Variants in MMP15 observed in about 807,000 individuals in gnomAD.
MMP15 encodes matrix metallopeptidase 15.
MMP15 carries 36 observed loss-of-function variants against 65.0 expected under a neutral mutation model. The observed-to-expected ratio is 0.55, with a 90% CI of 0.42 to 0.73. MMP15 has a LOEUF of 0.73. Ranked by LOEUF, MMP15 falls within the 30% of genes least tolerant of loss-of-function variation. The pLI is 0.00. For synonymous variants in MMP15, 428 were observed against 410.2 expected, an observed-to-expected ratio of 1.04 and a Z score of -0.52; for missense variants, 870 against 987.8, an observed-to-expected ratio of 0.88 and a Z score of 1.60.
Position 58,026,490 on chromosome 16 carries a change from A to C in MMP15, c.140A>C (p.Glu47Ala). The part of the protein sequence containing the change: ...LGCLGLGVAA[E>A]DAEVHAENWL... The stretch of plus-strand genomic sequence containing the variant: ...TGCCTGGGCCTTGGCGTAGCGGCCG[A>C]AGACGCGGAGGTCCATGCCGAGGTA... The change falls in exon 1 of 10, where the codon GAA becomes GCA. Residue 47 changes from glutamate to alanine, a missense_variant. Transcript: ENST00000219271. The C allele has an allele frequency of 7.2e-7, 1 of 1,382,282 alleles. No individual in the cohort carries two copies. Among genetic ancestry groups the C allele is most frequent in the Non-Finnish European group, 9.4e-7 (1 of 1,066,206 alleles). 85.6% of individuals were successfully genotyped at this position (1,382,282 alleles called of 1,614,324 possible). A position where few individuals can be genotyped will look rare whatever the true frequency, so the allele number is the denominator to read the frequency against.
At chr16:58,043,170 C>A in intron 7 of MMP15, 40 bp from the exon 8 acceptor site, 1 of 1,526,092 alleles carries the variant, frequency 6.6e-7, no homozygotes, top group East Asian at 2.3e-5. Context: ...ACCCCTCAGC[C>A]CCAGGCCTGA....
At chr16:58,033,383 C>T (rs1434781068) in intron 1 of MMP15, among the ~76,000 whole-genome samples, 2 of 152,212 alleles carry the variant, frequency 1.3e-5, no homozygotes, top group Non-Finnish European at 2.9e-5. Context: ...CTGAACCTTG[C>T]CGTCTGTATT....
In MMP15 at chr16:58,045,661, T is replaced by C. The variant is rs1597068275; in HGVS notation, c.*215T>C. 7.1e-6 allele frequency: 4 copies of C among 561,532 alleles called. No homozygotes were observed. Among genetic ancestry groups the C allele is most frequent in the Non-Finnish European group, 1.2e-5 (4 of 322,196 alleles). The allele number at this position is 561,532 out of a possible 1,614,324, so 34.8% of individuals were successfully genotyped here. ...GTTTCCCCGACTGGGGCAGGGTGTTTAGAATTTTCTAAATGTAGTTCTGCT... is the reference window on the plus strand; with the variant it reads ...GTTTCCCCGACTGGGGCAGGGTGTTCAGAATTTTCTAAATGTAGTTCTGCT... On this transcript the variant is annotated 3_prime_UTR_variant, in exon 10 of 10. Coordinates refer to ENST00000219271, the MANE Select transcript of MMP15 (RefSeq NM_002428.4).
intron 4 of MMP15, 73 bp from the exon 5 acceptor site, chr16:58,040,464 T>C: frequency 6.5e-7 from 1 of 1,546,776 alleles, no homozygotes; most frequent in Non-Finnish European, 8.7e-7. Flanking sequence ...AGCCTCAGCC[T>C]GGAGGGTCCA....
At position 58,026,501 on chromosome 16, in the gene MMP15, G is replaced by A; in HGVS notation, c.151G>A (p.Val51Ile). The A allele has an allele frequency of 7.3e-7, 1 of 1,361,904 alleles. No individual in the cohort carries two copies. Among genetic ancestry groups the A allele is most frequent in the East Asian group, 3.1e-5 (1 of 32,406 alleles). 84.4% of individuals were successfully genotyped at this position (1,361,904 alleles called of 1,614,324 possible). A position where few individuals can be genotyped will look rare whatever the true frequency, so the allele number is the denominator to read the frequency against. ...GLGVAAEDAEVHAENWLRLYG... is the reference protein window; with the variant it reads ...GLGVAAEDAEIHAENWLRLYG... ...TGGCGTAGCGGCCGAAGACGCGGAGGTCCATGCCGAGGTAAGACCCCCGCC... is the reference window on the plus strand; with the variant it reads ...TGGCGTAGCGGCCGAAGACGCGGAGATCCATGCCGAGGTAAGACCCCCGCC... Residue 51 changes from valine (V) to isoleucine (I), a missense_variant, in exon 1 of 10, where the codon GTC becomes ATC. By Grantham distance (29) the Val-to-Ile change is conservative. Coordinates refer to ENST00000219271, the MANE Select transcript of MMP15 (RefSeq NM_002428.4).
chr16:58,031,853 C>CTTTTTTTTT lies in MMP15; in HGVS notation c.162+5364_162+5372dup, dbSNP rs749779284. Among the ~76,000 whole-genome samples, 15 of 57,746 alleles carry CTTTTTTTTT rather than the reference C, an allele frequency of 2.6e-4. 3 individuals are homozygous for CTTTTTTTTT. Among genetic ancestry groups the CTTTTTTTTT allele is most frequent in the African/African-American group, 1.2e-3 (15 of 12,110 alleles). 37.9% of individuals were successfully genotyped at this position (57,746 alleles called of 152,430 possible). Reference sequence around the variant, plus strand: ...CAAGGAGGACCTGGCTCGATGCCGCCTTTTTTTTTTTTTTTTTTTTTTTTT... The same window carrying CTTTTTTTTT: ...CAAGGAGGACCTGGCTCGATGCCGCCTTTTTTTTTTTTTTTTTTTTTTTTTTTTTTTTTT... On this transcript the variant is annotated intron_variant, in intron 1 of 9. Coordinates refer to ENST00000219271, the MANE Select transcript of MMP15 (RefSeq NM_002428.4).
At position 58,026,208 on chromosome 16, in the gene MMP15, G is replaced by A; in HGVS notation, c.-143G>A. The A allele has an allele frequency of 1.1e-6, 1 of 938,204 alleles. No individual in the cohort carries two copies. Among genetic ancestry groups the A allele is most frequent in the Non-Finnish European group, 1.4e-6 (1 of 721,102 alleles). 58.1% of individuals were successfully genotyped at this position (938,204 alleles called of 1,614,324 possible). ...CTCGGGCTTGGGAATTTGCCGAGGC[G>A]ACCTAGGCGGCTCCGGCGGGGACCG... On this transcript the variant is annotated 5_prime_UTR_variant, in exon 1 of 10. Coordinates refer to ENST00000219271, the MANE Select transcript of MMP15 (RefSeq NM_002428.4).
chr16:58,039,588 C>T (rs1371776877), intron 3 of MMP15, among the ~76,000 whole-genome samples: 1 of 152,220 alleles, frequency 6.6e-6, no homozygotes, highest in Non-Finnish European at 1.5e-5. Context: ...TCATTTGCAT[C>T]CCATTTTCTA....
At chr16:58,043,912 C>T (rs1959503165) in intron 9 of MMP15, among the ~76,000 whole-genome samples, 1 of 152,230 alleles carries the variant, frequency 6.6e-6, no homozygotes, top group African/African-American at 2.4e-5. Flanking sequence ...CAGGCCAGTC[C>T]TGCCTGCGTC....
At position 58,045,738 on chromosome 16, in the gene MMP15, G is replaced by T. The variant is rs553292764; in HGVS notation, c.*292G>T. 109 of 422,986 alleles carry T rather than the reference G, an allele frequency of 2.6e-4. No homozygotes were observed. Among genetic ancestry groups the T allele is most frequent in the Admixed American group, 2.1e-3 (50 of 23,770 alleles). The allele number at this position is 422,986 out of a possible 1,614,324, so 26.2% of individuals were successfully genotyped here. On this transcript the variant is annotated 3_prime_UTR_variant, in exon 10 of 10. Coordinates refer to ENST00000219271, the MANE Select transcript of MMP15 (RefSeq NM_002428.4). ...TCCTCTGGCTTGGCCACAGCCAGGG[G>T]AGCAGAGGGGCAGAGGCCCACATTG...
intron 1 of MMP15, among the ~76,000 whole-genome samples, chr16:58,033,777 C>T (rs906530543): frequency 6.6e-6 from 1 of 152,232 alleles, no homozygotes; most frequent in Non-Finnish European, 1.5e-5. Context: ...GTGGCACATG[C>T]CTGCAGTCCC....
chr16:58,028,012 A>G (rs1963846935), intron 1 of MMP15, among the ~76,000 whole-genome samples: 1 of 152,230 alleles, frequency 6.6e-6, no homozygotes, highest in African/African-American at 2.4e-5. Flanking sequence ...ATTTCAAGTC[A>G]CAGTCCCACC....
At chr16:58,039,800 T>C in intron 3 of MMP15, 75 bp from the exon 4 acceptor site, 1 of 1,471,558 alleles carries the variant, frequency 6.8e-7, no homozygotes. Flanking sequence ...TTGCGTGCAC[T>C]CTTGGGAACA....
At chr16:58,044,717 G>A (rs1385976145) in intron 9 of MMP15, among the ~76,000 whole-genome samples, 1 of 152,186 alleles carries the variant, frequency 6.6e-6, no homozygotes, top group Non-Finnish European at 1.5e-5. Flanking sequence ...AGGGGCAGCA[G>A]GATCCCTGAC....
intron 1 of MMP15, among the ~76,000 whole-genome samples, chr16:58,034,653 A>G (rs961766130): frequency 6.6e-6 from 1 of 152,148 alleles, no homozygotes; most frequent in South Asian, 2.1e-4. Flanking sequence ...AGCTTCCCCA[A>G]TCACTGCCCA....
Position 58,045,675 on chromosome 16 carries a change from T to C in MMP15, c.*229T>C, listed in dbSNP as rs1051846466. The C allele has an allele frequency of 1.5e-5, 8 of 550,334 alleles. No homozygotes were observed. Among genetic ancestry groups the C allele is most frequent in the Admixed American group, 1.1e-4 (3 of 27,292 alleles). 34.1% of individuals were successfully genotyped at this position (550,334 alleles called of 1,614,324 possible). On this transcript the variant is annotated 3_prime_UTR_variant, in exon 10 of 10. Transcript: ENST00000219271. ...GGCAGGGTGTTTAGAATTTTCTAAA[T>C]GTAGTTCTGCTCCAGACAGGGAATT... is the stretch of plus-strand genomic sequence containing the variant.
intron 1 of MMP15, among the ~76,000 whole-genome samples, chr16:58,034,261 A>T (rs1180138016): frequency 1.3e-5 from 2 of 152,232 alleles, no homozygotes; most frequent in Non-Finnish European, 2.9e-5. Flanking sequence ...GTCATGACCT[A>T]GGGACTCATC....
At chr16:58,043,384 A>T (rs1480023815) in intron 8 of MMP15, 24 bp downstream of exon 8, 1 of 1,597,848 alleles carries the variant, frequency 6.3e-7, no homozygotes, top group South Asian at 1.1e-5. Context: ...CCCTCCCCTA[A>T]GGGGAGAAGG....
In MMP15 at chr16:58,045,210, G is replaced by C. The variant is rs780974144; in HGVS notation, c.1774G>C (p.Gly592Arg). Residue 592 changes from glycine (G) to arginine (R), a missense_variant, in exon 10 of 10, where the codon GGC (glycine) becomes CGC (arginine). Coordinates refer to ENST00000219271, the MANE Select transcript of MMP15 (RefSeq NM_002428.4). ...GAEPGADSAE[G>R]DVGDGDGDFG... ...AGAGCCCGGGGCGGACAGCGCAGAG[G>C]GCGACGTGGGGGATGGGGATGGGGA... The C allele has an allele frequency of 1.9e-5, 31 of 1,595,822 alleles. No homozygotes were observed. Among genetic ancestry groups the C allele is most frequent in the Non-Finnish European group, 2.0e-5 (23 of 1,172,480 alleles).
Sources: allele counts gnomAD v4.1 joint callset (sites outside exome capture counted in the v4.1 genomes callset), GRCh38; gene constraint gnomAD v4.1.1; transcripts MANE v1.5; gene names NCBI Gene and HGNC (gene_info 2026-07-23, HGNC 2026-07-21).